The following PLEKHG3 variants were observed in gnomAD, a reference collection of about 807,000 sequenced individuals.
The protein encoded by PLEKHG3 is pleckstrin homology and RhoGEF domain containing G3.
Under a neutral mutation model 94.9 loss-of-function variants are expected in PLEKHG3, and 62 were observed. That is an observed-to-expected ratio of 0.65 (90% confidence interval 0.53 to 0.81). The LOEUF is 0.81. PLEKHG3 is among the 30% of genes least tolerant of loss of function. The pLI is 0.00. For synonymous variants in PLEKHG3, 614 were observed against 654.0 expected (o/e 0.94, Z 0.93); for missense variants, 1,461 against 1,619.3 (o/e 0.90, Z 1.68).
chr14:64,746,626 G>A lies in PLEKHG3; in HGVS notation c.*2923G>A, dbSNP rs934888081. The A allele has an allele frequency of 6.6e-6, 1 of 152,446 alleles. No individual in the cohort carries two copies. Among genetic ancestry groups the A allele is most frequent in the Non-Finnish European group, 1.5e-5 (1 of 68,080 alleles). The allele number at this position is 152,446 out of a possible 1,614,324, so 9.4% of individuals were successfully genotyped here. On this transcript the variant is annotated 3_prime_UTR_variant, in exon 17 of 17. Transcript: ENST00000247226. This position sits in a 1 kb window ranked among gnomAD's most constrained non-coding sequence, Gnocchi z 4.9. ...AGGAGGGATGCGGAGGAGAGGCTGA[G>A]CCTTCCACGGGCCTCCTGTTAGGGG...
At chr14:64,737,115 A>T in intron 13 of PLEKHG3, 2 of 645,762 alleles carry the variant, frequency 3.1e-6, no homozygotes, top group Middle Eastern at 4.0e-4. Context: ...TTTCCTCCGG[A>T]AACAATGAGA....
rs975422730 is a variant in PLEKHG3, at chr14:64,743,683, G to A, written c.3640G>A (p.Ala1214Thr). The A allele has an allele frequency of 3.2e-6, 5 of 1,570,206 alleles. No homozygotes were observed. In the East Asian group the frequency reaches 1.1e-4, roughly 35 times the overall value. The change falls in exon 17 of 17, where the codon GCC becomes ACC. Residue 1214 changes from alanine to threonine, a missense_variant. Ala to Thr is a moderately conservative substitution (Grantham distance 58, BLOSUM62 0). Around this residue, in one of 3 missense-constraint regions of PLEKHG3, gnomAD observed 1,201 missense variants for 1,295.5 expected, o/e 0.93. Coordinates refer to ENST00000247226, the MANE Select transcript of PLEKHG3 (RefSeq NM_001308147.2). The surrounding 1 kb of genome is among the most constrained non-coding windows in gnomAD (Gnocchi z 7.2). ...GAGAAACCTTAGAGAGAAGTTCCAG[G>A]CCTTGAACTCTGTCGGTTGATGCTG... ...RVRNLREKFQ[A>T]LNSVG
chr14:64,739,966 A>G lies in PLEKHG3; in HGVS notation c.1519-1070A>G, dbSNP rs1414819719. 2.0e-5 allele frequency among the ~76,000 whole-genome samples: 3 copies of G among 152,270 alleles called. No individual in the cohort carries two copies. Among genetic ancestry groups the G allele is most frequent in the African/African-American group, 7.2e-5 (3 of 41,476 alleles). ...TAATACAATGAGAACCACCCATTAC[A>G]AAGTTTAAAAGAAGCAGATGAAATT... On this transcript the variant is annotated intron_variant, in intron 15 of 16. Transcript: ENST00000247226. The surrounding 1 kb of genome is among the most constrained non-coding windows in gnomAD (Gnocchi z 4.1).
Position 64,717,862 on chromosome 14 carries a change from C to A in PLEKHG3, c.-39-9731C>A, listed in dbSNP as rs1321004414. Among the ~76,000 whole-genome samples the A allele has an allele frequency of 6.6e-6, 1 of 152,258 alleles. No individual in the cohort carries two copies. The highest frequency in any genetic ancestry group is 2.4e-5 in the African/African-American group (1 of 41,466). On this transcript the variant is annotated intron_variant, in intron 1 of 16. Coordinates refer to ENST00000247226, the MANE Select transcript of PLEKHG3 (RefSeq NM_001308147.2). This position sits in a 1 kb window ranked among gnomAD's most constrained non-coding sequence, Gnocchi z 4.7. ...ACCTTTTTAGGGCACATTCTGACAC[C>A]TCGTCTCATGGAGCCCCATTTCCAC...
At position 64,741,498 on chromosome 14, in the gene PLEKHG3, C is replaced by G; in HGVS notation, c.1981C>G (p.Leu661Val). 6.2e-7 allele frequency: 1 copy of G among 1,612,914 alleles called. No individual in the cohort carries two copies. The highest frequency in any genetic ancestry group is 8.5e-7 in the Non-Finnish European group (1 of 1,180,008). The stretch of plus-strand genomic sequence containing the variant: ...CCGGCATGGCAGTGCCACAGACTCC[C>G]TCAGCTGTCAGCTCTCCCCAGAAGT... ...LARHGSATDS[L>V]SCQLSPEVDI... Residue 661 changes from leucine (L) to valine (V), a missense_variant, in exon 16 of 17, where the codon CTC becomes GTC. Physicochemically the swap from Leu to Val is conservative, Grantham distance 32 (BLOSUM62 1). Coordinates refer to ENST00000247226, the MANE Select transcript of PLEKHG3 (RefSeq NM_001308147.2).
At position 64,749,025 on chromosome 14, in the gene PLEKHG3, G is replaced by A. The variant is rs2081895885; in HGVS notation, c.*5322G>A. 2.8e-6 allele frequency: 1 copy of A among 353,296 alleles called. No individual in the cohort carries two copies. The highest frequency in any genetic ancestry group is 2.9e-5 in the South Asian group (1 of 34,120). The allele number at this position is 353,296 out of a possible 1,614,324, so 21.9% of individuals were successfully genotyped here. On this transcript the variant is annotated 3_prime_UTR_variant, in exon 17 of 17. Transcript: ENST00000247226. This position sits in a 1 kb window ranked among gnomAD's most constrained non-coding sequence, Gnocchi z 4.7. The stretch of plus-strand genomic sequence containing the variant: ...GGGAGAGGAGGGCGTGTGCCTCAGA[G>A]AACCGTTTCCTGCCCCCAGGCCTGG...
Position 64,747,969 on chromosome 14 carries a change from G to C in PLEKHG3, c.*4266G>C, listed in dbSNP as rs1177883524. On this transcript the variant is annotated 3_prime_UTR_variant, in exon 17 of 17. Coordinates refer to ENST00000247226, the MANE Select transcript of PLEKHG3 (RefSeq NM_001308147.2). ...AGCAGCAAGGGGAAGGCCATTCCTGGGGACGTTGGTTGCAGAGCTTCTGGT... is the reference window on the plus strand; with the variant it reads ...AGCAGCAAGGGGAAGGCCATTCCTGCGGACGTTGGTTGCAGAGCTTCTGGT... 1 of 152,156 alleles carries C rather than the reference G, an allele frequency of 6.6e-6. No individual in the cohort carries two copies. Among genetic ancestry groups the C allele is most frequent in the Non-Finnish European group, 1.5e-5 (1 of 68,076 alleles). 9.4% of individuals were successfully genotyped at this position (152,156 alleles called of 1,614,324 possible). A position where few individuals can be genotyped will look rare whatever the true frequency, so the allele number is the denominator to read the frequency against.
At position 64,741,182 on chromosome 14, in the gene PLEKHG3, C is replaced by T; in HGVS notation, c.1665C>T (p.Asp555=). The part of the protein sequence containing the change: ...LDAHQGLLGM[D]PPGDMVDFVA... ...CCCACCAGGGCCTTCTGGGGATGGA[C>T]CCCCCAGGTGACATGGTGGACTTCG... The change falls in exon 16 of 17, where the codon GAC becomes GAT. Residue 555 remains aspartate (D), a synonymous_variant. Transcript: ENST00000247226. 1.2e-6 allele frequency: 2 copies of T among 1,613,746 alleles called. No homozygotes were observed. Among genetic ancestry groups the T allele is most frequent in the African/African-American group, 2.7e-5 (2 of 75,032 alleles).
At position 64,731,684 on chromosome 14, in the gene PLEKHG3, T is replaced by C; in HGVS notation, c.1033-30T>C. On this transcript the variant is annotated intron_variant, in intron 8 of 16. Transcript: ENST00000247226. The surrounding 1 kb of genome is among the most constrained non-coding windows in gnomAD (Gnocchi z 6.1). ...CTGCTTCCCCAGGCTGTCAACCTTG[T>C]GCTTGACTGTCCTTTCCCTCTGCCC... 1.3e-6 allele frequency: 2 copies of C among 1,562,406 alleles called. No homozygotes were observed. The highest frequency in any genetic ancestry group is 1.8e-6 in the Non-Finnish European group (2 of 1,132,902).
Position 64,749,180 on chromosome 14 carries a change from C to T in PLEKHG3, c.*5477C>T. 1.6e-6 allele frequency: 2 copies of T among 1,219,198 alleles called. No homozygotes were observed. The allele number at this position is 1,219,198 out of a possible 1,614,324, so 75.5% of individuals were successfully genotyped here. A position where few individuals can be genotyped will look rare whatever the true frequency, so the allele number is the denominator to read the frequency against. On this transcript the variant is annotated 3_prime_UTR_variant, in exon 17 of 17. Transcript: ENST00000247226. The surrounding 1 kb of genome is among the most constrained non-coding windows in gnomAD (Gnocchi z 4.7). ...CAGCTTTTGCAGTGCAGCGTGGGGC[C>T]CGGGGGCCCGGCCCGCGACTCGACT... is the stretch of plus-strand genomic sequence containing the variant.
Position 64,742,232 on chromosome 14 carries a change from C to T in PLEKHG3, c.2715C>T (p.Pro905=), listed in dbSNP as rs187286684. ...TQGELVAPLH[P]RIVQLSHVMD... is the part of the protein sequence containing the mutation. ...GGGAGCTGGTGGCCCCACTGCACCC[C>T]CGCATCGTGCAGCTCTCCCACGTAA... The change falls in exon 16 of 17, where the codon CCC becomes CCT. Residue 905 remains proline, a synonymous_variant. Coordinates refer to ENST00000247226, the MANE Select transcript of PLEKHG3 (RefSeq NM_001308147.2). The T allele has an allele frequency of 6.2e-7, 1 of 1,613,082 alleles. No homozygotes were observed. Among genetic ancestry groups the T allele is most frequent in the East Asian group, 2.2e-5 (1 of 44,880 alleles).
At chr14:64,737,745 T>C in intron 14 of PLEKHG3, 1 of 429,852 alleles carries the variant, frequency 2.3e-6, no homozygotes. Flanking sequence ...AGTGGCAACC[T>C]GAGTTGGGCA....
rs1319972421 is a variant in PLEKHG3 at position 64,739,588 on chromosome 14, G to A, written c.1518+733G>A. On this transcript the variant is annotated intron_variant, in intron 15 of 16. Transcript: ENST00000247226. The surrounding 1 kb of genome is among the most constrained non-coding windows in gnomAD (Gnocchi z 4.1). ...GACAGGAATGTAGCATGATGTCTTA[G>A]CTTGAGCTGCTGTAACAAAATCCCT... 6.6e-6 allele frequency among the ~76,000 whole-genome samples: 1 copy of A among 152,256 alleles called. No individual in the cohort carries two copies. Among genetic ancestry groups the A allele is most frequent in the Non-Finnish European group, 1.5e-5 (1 of 68,044 alleles).
chr14:64,725,079 A>G lies in PLEKHG3; in HGVS notation c.-39-2514A>G, dbSNP rs1299767362. Among the ~76,000 whole-genome samples, 6 of 152,176 alleles carry G rather than the reference A, an allele frequency of 3.9e-5. No homozygotes were observed. The highest frequency in any genetic ancestry group is 7.3e-5 in the Non-Finnish European group (5 of 68,030). On this transcript the variant is annotated intron_variant, in intron 1 of 16. Coordinates refer to ENST00000247226, the MANE Select transcript of PLEKHG3 (RefSeq NM_001308147.2). This position sits in a 1 kb window ranked among gnomAD's most constrained non-coding sequence, Gnocchi z 5.0. ...GAAAACTTCTGTAAGTAGAAAAGAC[A>G]TATTAGTTTCTGGGTTTGAAGTGTG...
Position 64,721,967 on chromosome 14 carries a change from T to G in PLEKHG3, c.-39-5626T>G. On this transcript the variant is annotated intron_variant, in intron 1 of 16. Transcript: ENST00000247226. This position sits in a 1 kb window ranked among gnomAD's most constrained non-coding sequence, Gnocchi z 4.3. ...TTGAGAGAGATCTCTCTCTGGAAGT[T>G]CACATTGCTCCCACACTGTTTTTTC... Among the ~76,000 whole-genome samples the G allele has an allele frequency of 6.9e-6, 1 of 145,402 alleles. No homozygotes were observed. Among genetic ancestry groups the G allele is most frequent in the Middle Eastern group, 3.3e-3 (1 of 302 alleles).
rs1179915875 is a variant in PLEKHG3, at chr14:64,716,481, AACACAC to A, written c.-39-11102_-39-11097del. On this transcript the variant is annotated intron_variant, in intron 1 of 16. Coordinates refer to ENST00000247226, the MANE Select transcript of PLEKHG3 (RefSeq NM_001308147.2). The surrounding 1 kb of genome is among the most constrained non-coding windows in gnomAD (Gnocchi z 5.0). ...ACACACACACAACACACACACACAC[AACACAC>A]ACACACACAACACACACACACACAC... 4.3e-5 allele frequency among the ~76,000 whole-genome samples: 5 copies of A among 116,338 alleles called. No homozygotes were observed. The highest frequency in any genetic ancestry group is 8.9e-5 in the Non-Finnish European group (5 of 56,450). 76.3% of individuals were successfully genotyped at this position (116,338 alleles called of 152,430 possible).
At position 64,726,982 on chromosome 14, in the gene PLEKHG3, G is replaced by T. The variant is rs2081363923; in HGVS notation, c.-39-611G>T. Among the ~76,000 whole-genome samples the T allele has an allele frequency of 5.9e-5, 9 of 151,850 alleles. No individual in the cohort carries two copies. Among genetic ancestry groups the T allele is most frequent in the Admixed American group, 5.9e-4 (9 of 15,260 alleles). The stretch of plus-strand genomic sequence containing the variant: ...TGACCCCAGCACAGGCCACAGACAG[G>T]GGGGCACTTGGGAAGTTCTTCTTCA... On this transcript the variant is annotated intron_variant, in intron 1 of 16. Coordinates refer to ENST00000247226, the MANE Select transcript of PLEKHG3 (RefSeq NM_001308147.2). This position sits in a 1 kb window ranked among gnomAD's most constrained non-coding sequence, Gnocchi z 5.1.
At position 64,745,412 on chromosome 14, in the gene PLEKHG3, G is replaced by T. The variant is rs948076194; in HGVS notation, c.*1709G>T. 2 of 152,210 alleles carry T rather than the reference G, an allele frequency of 1.3e-5. No individual in the cohort carries two copies. Among genetic ancestry groups the T allele is most frequent in the East Asian group, 1.9e-4 (1 of 5,178 alleles). The allele number at this position is 152,210 out of a possible 1,614,324, so 9.4% of individuals were successfully genotyped here. On this transcript the variant is annotated 3_prime_UTR_variant, in exon 17 of 17. Coordinates refer to ENST00000247226, the MANE Select transcript of PLEKHG3 (RefSeq NM_001308147.2). The surrounding 1 kb of genome is among the most constrained non-coding windows in gnomAD (Gnocchi z 5.0). ...GGCCTTCTGACCCAACCTGAAGATG[G>T]GTCTGCTAAGTCTAACAAGGTCAAG...
rs2139382616 is a variant in PLEKHG3 at position 64,730,504 on chromosome 14, TAGGTATA to T, written c.520-136_520-130del. On this transcript the variant is annotated intron_variant, in intron 4 of 16. Transcript: ENST00000247226. This position sits in a 1 kb window ranked among gnomAD's most constrained non-coding sequence, Gnocchi z 5.4. Reference sequence around the variant, plus strand: ...GGGTGGATGGGATGTCCTTGACAAATAGGTATAAAGATGGCTCTGTAGGCATTTGGGA... The same window carrying T: ...GGGTGGATGGGATGTCCTTGACAAATAAGATGGCTCTGTAGGCATTTGGGA... The T allele has an allele frequency of 1.3e-6, 1 of 766,766 alleles. No homozygotes were observed. 47.5% of individuals were successfully genotyped at this position (766,766 alleles called of 1,614,324 possible).
Sources: gnomAD v4.1 joint callset for allele counts (sites outside exome capture counted in the v4.1 genomes callset) on GRCh38, gnomAD v4.1.1 for gene constraint, gnomAD v4.1.1 regional missense constraint, Gnocchi (gnomAD v3.1) non-coding constraint, MANE v1.5 for transcripts, NCBI Gene and HGNC (gene_info 2026-07-23, HGNC 2026-07-21) for gene names.